The following PLCG2 variants were observed in gnomAD, a reference collection of about 807,000 sequenced individuals.
PLCG2 encodes phospholipase C gamma 2.
PLCG2 carries 69 observed loss-of-function variants against 175.6 expected under a neutral mutation model. The ratio of observed to expected loss-of-function variants is 0.39; its 90% confidence interval spans 0.32 to 0.48. PLCG2 has a LOEUF of 0.48. PLCG2 is among the 20% of genes least tolerant of loss of function. The pLI, the probability that PLCG2 is intolerant of heterozygous loss-of-function variation, is 0.91. For missense variants in PLCG2, 1,798 were observed against 1,650.9 expected (o/e 1.09, Z -1.54); for synonymous variants, 827 against 624.0 (o/e 1.33, Z -4.85).
In PLCG2 at chr16:81,816,651, A is replaced by ACTTTTTTTTTTTTTTTTTTTTTTTTTT. The variant is rs1555509092; in HGVS notation, c.193+30469_193+30470insCTTTTTTTTTTTTTTTTTTTTTTTTTT. Among the ~76,000 whole-genome samples, 4 of 108,858 alleles carry ACTTTTTTTTTTTTTTTTTTTTTTTTTT rather than the reference A, an allele frequency of 3.7e-5. 2 individuals carry two copies. Among genetic ancestry groups the ACTTTTTTTTTTTTTTTTTTTTTTTTTT allele is most frequent in the African/African-American group, 7.6e-5 (2 of 26,478 alleles). The allele number at this position is 108,858 out of a possible 152,430, so 71.4% of individuals were successfully genotyped here. ...GCACCACCATGCCCAGCTAATTTTAATTTTTTTTTTTTTTTTTTTTTTTTT... is the reference window on the plus strand; with the variant it reads ...GCACCACCATGCCCAGCTAATTTTAACTTTTTTTTTTTTTTTTTTTTTTTTTTTTTTTTTTTTTTTTTTTTTTTTTTT... On this transcript the variant is annotated intron_variant, in intron 2 of 32. Transcript: ENST00000564138.
intron 2 of PLCG2, among the ~76,000 whole-genome samples, chr16:81,810,315 G>A (rs1484108577): frequency 2.0e-5 from 3 of 152,210 alleles, no homozygotes; most frequent in Non-Finnish European, 4.4e-5. Flanking sequence ...GACGACTCTA[G>A]TCTATAGAAC....
rs1271258333 is a variant in PLCG2, at chr16:81,961,461, A to T, written c.*3463A>T. On this transcript the variant is annotated 3_prime_UTR_variant, in exon 33 of 33. Coordinates refer to ENST00000564138, the MANE Select transcript of PLCG2 (RefSeq NM_002661.5). ...ATTGATTCAGCTCAATCCAGAGGAA[A>T]ATTTTAAAGGCTTACAGCCTTAGGA... The T allele has an allele frequency of 1.8e-5, 4 of 225,402 alleles. No homozygotes were observed. Among genetic ancestry groups the T allele is most frequent in the Non-Finnish European group, 3.5e-5 (4 of 113,344 alleles). The allele number at this position is 225,402 out of a possible 1,614,324, so 14.0% of individuals were successfully genotyped here.
intron 14 of PLCG2, among the ~76,000 whole-genome samples, chr16:81,901,782 A>G (rs537219154): frequency 1.1e-3 from 167 of 152,352 alleles, no homozygotes; most frequent in Non-Finnish European, 1.7e-3. Context: ...TATGGAGGTT[A>G]TTAGGTCTGC....
intron 2 of PLCG2, among the ~76,000 whole-genome samples, chr16:81,817,918 G>A (rs540442690): frequency 6.6e-6 from 1 of 152,344 alleles, no homozygotes; most frequent in Non-Finnish European, 1.5e-5. Flanking sequence ...CGGGGAGAAG[G>A]GGGTTAAGTG....
chr16:81,953,630 A>G (rs1389814674), intron 31 of PLCG2, among the ~76,000 whole-genome samples: 2 of 152,232 alleles, frequency 1.3e-5, no homozygotes, highest in Non-Finnish European at 2.9e-5. Context: ...CTCAGACTCA[A>G]AAGAAATCCA....
chr16:81,769,955 G>A (rs1246084664), intron 2 of PLCG2, among the ~76,000 whole-genome samples: 2 of 151,844 alleles, frequency 1.3e-5, no homozygotes, highest in Non-Finnish European at 2.9e-5. Context: ...AAGCTGTCCT[G>A]AAAGTAATGG....
chr16:81,795,314 T>C (rs1296431268), intron 2 of PLCG2, among the ~76,000 whole-genome samples: 2 of 152,170 alleles, frequency 1.3e-5, no homozygotes, highest in Non-Finnish European at 2.9e-5. Flanking sequence ...GGGTGGCCTC[T>C]CTGTAGAGGT....
chr16:81,951,635 A>T (rs537800663), intron 31 of PLCG2, among the ~76,000 whole-genome samples: 12 of 152,232 alleles, frequency 7.9e-5, no homozygotes, highest in Admixed American at 2.0e-4. Flanking sequence ...CCCTAACCTC[A>T]TTCAGCCGTA....
chr16:81,801,233 T>C (rs1283855498), intron 2 of PLCG2, among the ~76,000 whole-genome samples: 2 of 152,218 alleles, frequency 1.3e-5, no homozygotes, highest in Non-Finnish European at 2.9e-5. Context: ...TGGATCTTTT[T>C]TGTTTTTAAG....
intron 11 of PLCG2, 112 bp from the exon 12 acceptor site, chr16:81,893,597 A>G (rs1197692329): frequency 2.9e-6 from 2 of 700,142 alleles, no homozygotes; most frequent in East Asian, 5.3e-5. Context: ...AAGAACTCAG[A>G]GCTTTGGCGG....
chr16:81,961,531 A>G lies in PLCG2; in HGVS notation c.*3533A>G. The stretch of plus-strand genomic sequence containing the variant: ...ACTTTTGGTACAGAGATAGAATTAA[A>G]TAACATAAAAATCAAAAATTTATTA... On this transcript the variant is annotated 3_prime_UTR_variant, in exon 33 of 33. Transcript: ENST00000564138. The G allele has an allele frequency of 4.5e-6, 1 of 219,888 alleles. No individual in the cohort carries two copies. Among genetic ancestry groups the G allele is most frequent in the Non-Finnish European group, 9.1e-6 (1 of 109,782 alleles). 13.6% of individuals were successfully genotyped at this position (219,888 alleles called of 1,614,324 possible).
At chr16:81,890,787 C>T (rs908212700) in intron 10 of PLCG2, among the ~76,000 whole-genome samples, 3 of 152,178 alleles carry the variant, frequency 2.0e-5, no homozygotes, top group African/African-American at 4.8e-5. Flanking sequence ...CCTGCCCTTT[C>T]AACATTCTGA....
chr16:81,746,005 G>GA (rs1007653844), intron 1 of PLCG2, among the ~76,000 whole-genome samples: 1 of 152,190 alleles, frequency 6.6e-6, no homozygotes, highest in East Asian at 1.9e-4. Flanking sequence ...TGTAAAGGAG[G>GA]AAGAACAAGG....
At chr16:81,867,960 A>C (rs948246850) in intron 5 of PLCG2, among the ~76,000 whole-genome samples, 1 of 151,974 alleles carries the variant, frequency 6.6e-6, no homozygotes. Context: ...CAGCCTCCCA[A>C]AGTGCTGGGA....
intron 7 of PLCG2, 140 bp from the exon 8 acceptor site, chr16:81,880,769 AC>A: frequency 1.4e-6 from 1 of 725,406 alleles, no homozygotes; most frequent in South Asian, 1.8e-5. Flanking sequence ...AATATTTACA[AC>A]TAACATCAAC....
intron 9 of PLCG2, among the ~76,000 whole-genome samples, chr16:81,886,559 A>G (rs1299663423): frequency 6.6e-6 from 1 of 152,220 alleles, no homozygotes; most frequent in Non-Finnish European, 1.5e-5. Context: ...CTTGGAAGTA[A>G]TCTAAATTTC....
At chr16:81,878,288 T>A (rs1188191662) in intron 7 of PLCG2, among the ~76,000 whole-genome samples, 1 of 151,812 alleles carries the variant, frequency 6.6e-6, no homozygotes, top group Non-Finnish European at 1.5e-5. Flanking sequence ...CCGGCCCAAA[T>A]CTCCCTCTTT....
At chr16:81,885,492 C>A (rs7186962) in intron 9 of PLCG2, among the ~76,000 whole-genome samples, 14,070 of 152,110 alleles carry the variant, frequency 0.092, 821 homozygotes, top group South Asian at 0.15. Flanking sequence ...TCATCCACTT[C>A]TAACTTTACA....
intron 19 of PLCG2, among the ~76,000 whole-genome samples, chr16:81,913,503 A>G (rs936460219): frequency 5.3e-5 from 8 of 152,234 alleles, no homozygotes; most frequent in Non-Finnish European, 1.2e-4. Context: ...GTTCAGATGC[A>G]GGCCTGTCCG....
Sources: allele counts gnomAD v4.1 joint callset (sites outside exome capture counted in the v4.1 genomes callset), GRCh38; gene constraint gnomAD v4.1.1; transcripts MANE v1.5; gene names NCBI Gene and HGNC (gene_info 2026-07-23, HGNC 2026-07-21).